The following DCLK2 variants were observed in gnomAD, a reference collection of about 807,000 sequenced individuals.
DCLK2 encodes serine/threonine-protein kinase DCLK2.
DCLK2 carries 31 observed loss-of-function variants against 78.4 expected under a neutral mutation model. The observed-to-expected ratio is 0.40, with a 90% CI of 0.30 to 0.53. The LOEUF is 0.53. DCLK2 is among the 20% of genes least tolerant of loss of function. The pLI, the probability that DCLK2 is intolerant of heterozygous loss-of-function variation, is 0.61. For missense variants in DCLK2, 872 were observed against 973.7 expected (o/e 0.90, Z 1.39); for synonymous variants, 407 against 374.9 (o/e 1.09, Z -0.99).
chr4:150,117,480 AC>A (rs1415413927), intron 2 of DCLK2, among the ~76,000 whole-genome samples: 2 of 151,798 alleles, frequency 1.3e-5, no homozygotes, highest in African/African-American at 4.8e-5. Context: ...CTTCCCACTC[AC>A]CCCTTGGTTC....
At chr4:150,104,706 C>A (rs1305555556) in intron 2 of DCLK2, among the ~76,000 whole-genome samples, 2 of 151,700 alleles carry the variant, frequency 1.3e-5, no homozygotes, top group African/African-American at 4.8e-5. Flanking sequence ...TTGCAAAGGC[C>A]TTTGATAAAA....
intron 12 of DCLK2, among the ~76,000 whole-genome samples, chr4:150,242,851 G>T (rs564068657): frequency 2.7e-4 from 41 of 152,272 alleles, no homozygotes; most frequent in African/African-American, 8.9e-4. Context: ...GGAATAATTT[G>T]TGGCCATTTT....
intron 14 of DCLK2, among the ~76,000 whole-genome samples, chr4:150,248,860 C>G (rs1743524576): frequency 6.6e-6 from 1 of 152,088 alleles, no homozygotes; most frequent in Non-Finnish European, 1.5e-5. Flanking sequence ...ATGATATTGA[C>G]TAGAGTTCCC....
At chr4:150,209,712 A>AACAGCCCTTT (rs1171495181) in intron 5 of DCLK2, 1 of 152,278 alleles carries the variant, frequency 6.6e-6, no homozygotes, top group Admixed American at 6.5e-5. Flanking sequence ...CGTGAAATGT[A>AACAGCCCTTT]ACAGCCCTTT....
At chr4:150,092,815 T>C (rs1730187330) in intron 1 of DCLK2, among the ~76,000 whole-genome samples, 1 of 152,132 alleles carries the variant, frequency 6.6e-6, no homozygotes, top group Non-Finnish European at 1.5e-5. Context: ...ATAAAGACCA[T>C]ATATGAAAAG....
chr4:150,240,321 T>G, intron 11 of DCLK2, 78 bp from the exon 12 acceptor site: 1 of 1,174,428 alleles, frequency 8.5e-7, no homozygotes. Context: ...TCCTAACAAA[T>G]AAAGGCAATA....
At chr4:150,136,322 G>T (rs1048307726) in intron 2 of DCLK2, among the ~76,000 whole-genome samples, 2 of 152,196 alleles carry the variant, frequency 1.3e-5, no homozygotes, top group African/African-American at 4.8e-5. Context: ...AGTGGCAGAA[G>T]AATTTTAGTG....
chr4:150,101,746 A>G (rs28397206), intron 1 of DCLK2, among the ~76,000 whole-genome samples: 21,974 of 152,202 alleles, frequency 0.14, 1,977 homozygotes, highest in Non-Finnish European at 0.21. Flanking sequence ...AATAAAAATT[A>G]AGCAGAAGGT....
Position 150,153,461 on chromosome 4 carries a change from G to A in DCLK2, c.757-39677G>A, listed in dbSNP as rs184191029. On this transcript the variant is annotated intron_variant, in intron 2 of 15. Coordinates refer to ENST00000296550, the MANE Select transcript of DCLK2 (RefSeq NM_001040260.4). ...AGGGTCTTGCTCTGTCATCTAGGCC[G>A]GAGTGCAGTGGTACAATAATGACTC... is the stretch of plus-strand genomic sequence containing the variant. Among the ~76,000 whole-genome samples, 6 of 151,990 alleles carry A rather than the reference G, an allele frequency of 3.9e-5. No homozygotes were observed. The East Asian group carries it at 5.8e-4, about 15-fold the overall frequency.
intron 5 of DCLK2, among the ~76,000 whole-genome samples, chr4:150,205,094 C>T (rs1247774936): frequency 1.3e-5 from 2 of 151,912 alleles, no homozygotes; most frequent in South Asian, 4.2e-4. Context: ...CAAATATAGC[C>T]CTAGAGGATT....
chr4:150,249,453 C>T (rs928629779), intron 14 of DCLK2, 115 bp from the exon 15 acceptor site: 2 of 778,388 alleles, frequency 2.6e-6, no homozygotes, highest in African/African-American at 1.7e-5. Context: ...AAGAGGGGCC[C>T]ATTTAGGAAG....
In DCLK2 at chr4:150,083,925, TCTTC is replaced by T. The variant is rs754982062; in HGVS notation, c.421+4482_421+4485del. ...TAGACATGGTCAAATGCCTATGGTC[TCTTC>T]CTTCAAAAAATGCACATTCTCCTGG... On this transcript the variant is annotated intron_variant, in intron 1 of 15. Coordinates refer to ENST00000296550, the MANE Select transcript of DCLK2 (RefSeq NM_001040260.4). Among the ~76,000 whole-genome samples, 68 of 152,340 alleles carry T rather than the reference TCTTC, an allele frequency of 4.5e-4. No individual in the cohort carries two copies. The Middle Eastern group carries it at 0.014, about 30-fold the overall frequency.
chr4:150,129,253 A>G (rs995091502), intron 2 of DCLK2, among the ~76,000 whole-genome samples: 3 of 152,102 alleles, frequency 2.0e-5, no homozygotes, highest in Non-Finnish European at 4.4e-5. Flanking sequence ...TTTTCCTTAA[A>G]ATTGTTTGAG....
intron 2 of DCLK2, among the ~76,000 whole-genome samples, chr4:150,160,220 G>A (rs998970476): frequency 7.9e-5 from 12 of 151,960 alleles, no homozygotes; most frequent in Non-Finnish European, 1.5e-4. Context: ...ATTTCACCAC[G>A]TTGCCCAGGC....
chr4:150,216,763 G>T (rs1359428015), intron 5 of DCLK2, among the ~76,000 whole-genome samples: 1 of 152,164 alleles, frequency 6.6e-6, no homozygotes, highest in East Asian at 1.9e-4. Context: ...TCCCAGAGAA[G>T]ACACTCAGCA....
At chr4:150,081,997 CAAA>C (rs1216080802) in intron 1 of DCLK2, among the ~76,000 whole-genome samples, 6 of 60,202 alleles carry the variant, frequency 1.0e-4, no homozygotes, top group Middle Eastern at 0.01. Context: ...GACTCTGTCT[CAAA>C]AAAAAAAAAA....
At chr4:150,241,072 T>C (rs2126604107) in intron 12 of DCLK2, among the ~76,000 whole-genome samples, 1 of 152,350 alleles carries the variant, frequency 6.6e-6, no homozygotes, top group East Asian at 1.9e-4. Context: ...TCTCTCTCAC[T>C]CAATTAGGCA....
At chr4:150,158,685 A>C (rs1380295502) in intron 2 of DCLK2, among the ~76,000 whole-genome samples, 4 of 152,178 alleles carry the variant, frequency 2.6e-5, no homozygotes, top group African/African-American at 9.6e-5. Context: ...ATGTTCATTA[A>C]CTGTTTCTTG....
At chr4:150,094,149 T>C (rs1300721809) in intron 1 of DCLK2, among the ~76,000 whole-genome samples, 2 of 152,198 alleles carry the variant, frequency 1.3e-5, no homozygotes. Context: ...TTGGCAATGA[T>C]TTCTCAAGTA....
Sources: allele counts gnomAD v4.1 joint callset (sites outside exome capture counted in the v4.1 genomes callset), GRCh38; gene constraint gnomAD v4.1.1; transcripts MANE v1.5; gene names NCBI Gene and HGNC (gene_info 2026-07-23, HGNC 2026-07-21).